ULK1: variants seen among roughly 807,000 people sequenced by gnomAD.
The protein encoded by ULK1 is unc-51 like autophagy activating kinase 1, also known as serine/threonine-protein kinase ULK1.
Under a neutral mutation model 117.5 loss-of-function variants are expected in ULK1, and 48 were observed. That is an observed-to-expected ratio of 0.41 (90% CI 0.32 to 0.52). The LOEUF (loss-of-function observed/expected upper bound fraction) is 0.52. Ranked by LOEUF, ULK1 falls within the 20% of genes least tolerant of loss-of-function variation. The pLI is 0.29. For synonymous variants in ULK1, 790 were observed against 637.8 expected (o/e 1.24, Z -3.60); for missense variants, 1,387 against 1,473.4 (o/e 0.94, Z 0.96).
chr12:131,897,899 A>G (rs1888938099), intron 3 of ULK1: 1 of 152,204 alleles, frequency 6.6e-6, no homozygotes, highest in Non-Finnish European at 1.5e-5. Flanking sequence ...ACCCTGTCTC[A>G]AAAACACAAA....
chr12:131,903,510 C>A lies in ULK1; in HGVS notation c.247-3382C>A, dbSNP rs115743585. On this transcript the variant is annotated intron_variant, in intron 3 of 27. Transcript: ENST00000321867. This position sits in a 1 kb window ranked among gnomAD's most constrained non-coding sequence, Gnocchi z 6.0. The stretch of plus-strand genomic sequence containing the variant: ...GTAGTTCAACTTCACAGGAGGCTCT[C>A]GGAGGCACGGGAAAGGCCCTGGTGT... Among the ~76,000 whole-genome samples the A allele has an allele frequency of 6.6e-6, 1 of 152,212 alleles. No individual in the cohort carries two copies. Among genetic ancestry groups the A allele is most frequent in the South Asian group, 2.1e-4 (1 of 4,812 alleles).
At chr12:131,912,624 G>A (rs1889588185) in intron 13 of ULK1, among the ~76,000 whole-genome samples, 1 of 152,220 alleles carries the variant, frequency 6.6e-6, no homozygotes, top group Non-Finnish European at 1.5e-5. Context: ...GTTGGCACTG[G>A]TCCCCGTGTC....
chr12:131,895,950 T>A (rs925698313), intron 3 of ULK1, 126 bp downstream of exon 3: 2 of 1,234,586 alleles, frequency 1.6e-6, no homozygotes, highest in Admixed American at 3.7e-5. Flanking sequence ...CCCTGGAGAC[T>A]CCACCCTGGG....
chr12:131,917,684 C>A (rs1889924962), intron 22 of ULK1, 130 bp downstream of exon 22: 1 of 971,052 alleles, frequency 1.0e-6, no homozygotes, highest in Non-Finnish European at 1.3e-6. Context: ...GAGGAAGCAG[C>A]TCAGGCCCCT....
In ULK1 at chr12:131,913,109, C is replaced by T. The variant is rs1889613392; in HGVS notation, c.1097-89C>T. 7.0e-6 allele frequency: 9 copies of T among 1,279,094 alleles called. No individual in the cohort carries two copies. In the Admixed American group the frequency reaches 1.2e-4, roughly 17 times the overall value. 79.2% of individuals were successfully genotyped at this position (1,279,094 alleles called of 1,614,324 possible). A position where few individuals can be genotyped will look rare whatever the true frequency, so the allele number is the denominator to read the frequency against. ...TGAGGCCCCTGCAAGGTGGAGTGTG[C>T]GTGGGGATCCAGCAGAGAGCCTCGG... is the stretch of plus-strand genomic sequence containing the variant. On this transcript the variant is annotated intron_variant, in intron 13 of 27. Transcript: ENST00000321867.
At chr12:131,914,296 C>T in intron 15 of ULK1, 56 bp from the exon 16 acceptor site, 2 of 1,588,580 alleles carry the variant, frequency 1.3e-6, no homozygotes, top group Admixed American at 1.7e-5. Flanking sequence ...AGCTCCATGA[C>T]CTCAGCCTCT....
Position 131,916,173 on chromosome 12 carries a change from C to T in ULK1, c.1878+14C>T. The stretch of plus-strand genomic sequence containing the variant: ...TCCCCCACCAAGGTAATGGGCACTG[C>T]CATGTGTGCAGGGGCACAGAGCCCT... On this transcript the variant is annotated intron_variant, in intron 19 of 27. Transcript: ENST00000321867. 5.6e-6 allele frequency: 9 copies of T among 1,608,610 alleles called. No homozygotes were observed. The highest frequency in any genetic ancestry group is 7.6e-6 in the Non-Finnish European group (9 of 1,178,236).
At chr12:131,916,865 T>C (rs1490713383) in intron 20 of ULK1, 88 bp from the exon 21 acceptor site, 12 of 1,218,352 alleles carry the variant, frequency 9.8e-6, no homozygotes, top group Middle Eastern at 4.7e-4. Flanking sequence ...CCGTGCATCA[T>C]GTGTGTCTGG....
At position 131,917,087 on chromosome 12, in the gene ULK1, G is replaced by A. The variant is rs1193921591; in HGVS notation, c.2182+25G>A. On this transcript the variant is annotated intron_variant, in intron 21 of 27. Coordinates refer to ENST00000321867, the MANE Select transcript of ULK1 (RefSeq NM_003565.4). ...GGTGTGTGGGTGGGTGGGGCTCGGAGGCTGTGGGATGGGGGTCGGAGGCTG... is the reference window on the plus strand; with the variant it reads ...GGTGTGTGGGTGGGTGGGGCTCGGAAGCTGTGGGATGGGGGTCGGAGGCTG... The A allele has an allele frequency of 3.4e-6, 5 of 1,472,340 alleles. 1 individual carries two copies. The highest frequency in any genetic ancestry group is 4.8e-5 in the East Asian group (2 of 41,650). 91.2% of individuals were successfully genotyped at this position (1,472,340 alleles called of 1,614,324 possible).
intron 1 of ULK1, 125 bp downstream of exon 1, chr12:131,895,237 G>C (rs1426343611): frequency 1.6e-6 from 1 of 629,732 alleles, no homozygotes; most frequent in Non-Finnish European, 2.4e-6. Flanking sequence ...CGACTTTCCA[G>C]GCCGACCCCC....
At chr12:131,916,765 A>AC (rs1228823181) in intron 20 of ULK1, among the ~76,000 whole-genome samples, 174 bp downstream of exon 20, 1 of 151,348 alleles carries the variant, frequency 6.6e-6, no homozygotes, top group Non-Finnish European at 1.5e-5. Context: ...CTGGCCCTAG[A>AC]CCCACAGCAG....
At chr12:131,901,472 C>G (rs1045870872) in intron 3 of ULK1, among the ~76,000 whole-genome samples, 3 of 152,226 alleles carry the variant, frequency 2.0e-5, no homozygotes, top group African/African-American at 7.2e-5. Flanking sequence ...CAAAGCCATG[C>G]CCGCGTCCCG....
intron 26 of ULK1, chr12:131,920,426 G>C: frequency 2.5e-6 from 1 of 393,550 alleles, no homozygotes; most frequent in South Asian, 3.0e-5. Flanking sequence ...CTCGTAGTCA[G>C]GTGTCAGCCT....
At position 131,910,370 on chromosome 12, in the gene ULK1, G is replaced by A; in HGVS notation, c.859+66G>A. On this transcript the variant is annotated intron_variant, in intron 11 of 27. Coordinates refer to ENST00000321867, the MANE Select transcript of ULK1 (RefSeq NM_003565.4). ...ATGCACCCCTTCCTCCCCGGGTTTG[G>A]TTAGGGCACTGAGTGTGGGGCAGAG... The A allele has an allele frequency of 9.4e-6, 15 of 1,603,082 alleles. 1 individual carries two copies. In the South Asian group the frequency reaches 1.3e-4, roughly 14 times the overall value.
chr12:131,912,220 G>A (rs958847843), intron 13 of ULK1, 131 bp downstream of exon 13: 52 of 1,373,430 alleles, frequency 3.8e-5, no homozygotes, highest in East Asian at 1.3e-4. Context: ...GGGAGCCACC[G>A]GCATCGGCCC....
chr12:131,895,142 C>T, intron 1 of ULK1, 30 bp downstream of exon 1: 1 of 1,456,510 alleles, frequency 6.9e-7, no homozygotes, highest in South Asian at 1.3e-5. Context: ...CGGGATCCCC[C>T]GCCCAGGATC....
At chr12:131,915,700 C>T (rs989666357) in intron 18 of ULK1, among the ~76,000 whole-genome samples, 191 bp from the exon 19 acceptor site, 2 of 152,122 alleles carry the variant, frequency 1.3e-5, no homozygotes, top group Non-Finnish European at 2.9e-5. Flanking sequence ...ACCTGGGAGG[C>T]AGAGGTTGCA....
chr12:131,908,161 C>T (rs1329181596), intron 5 of ULK1, among the ~76,000 whole-genome samples: 1 of 152,106 alleles, frequency 6.6e-6, no homozygotes, highest in East Asian at 1.9e-4. Flanking sequence ...GGCGGGAGTG[C>T]GGGGCTGGTA....
Position 131,911,854 on chromosome 12 carries a change from G to A in ULK1, c.949-88G>A, listed in dbSNP as rs139701442. On this transcript the variant is annotated intron_variant, in intron 12 of 27. Transcript: ENST00000321867. The stretch of plus-strand genomic sequence containing the variant: ...CCCCAGCGCCCCGATCTTTACTGGG[G>A]CTCTGGGCCATCCCAGGAGGGGGAA... The A allele has an allele frequency of 5.8e-3, 9,302 of 1,594,162 alleles. 44 individuals carry two copies. The highest frequency in any genetic ancestry group is 0.01 in the South Asian group (921 of 90,400).
Sources: gnomAD v4.1 joint callset for allele counts (sites outside exome capture counted in the v4.1 genomes callset) on GRCh38, gnomAD v4.1.1 for gene constraint, Gnocchi (gnomAD v3.1) non-coding constraint, MANE v1.5 for transcripts, NCBI Gene and HGNC (gene_info 2026-07-23, HGNC 2026-07-21) for gene names.